AKAIN1: variants seen among roughly 807,000 people sequenced by gnomAD.
The protein encoded by AKAIN1 is A-kinase anchor protein inhibitor 1.
AKAIN1 carries 3 observed loss-of-function variants against 3.7 expected under a neutral mutation model. The ratio of observed to expected loss-of-function variants is 0.82; its 90% CI spans 0.37 to 2.12. The LOEUF is 2.12. Among genes scored for constraint, AKAIN1 ranks in the 30% most tolerant of loss-of-function variants. The probability of loss-of-function intolerance (pLI) is 0.06; values close to 1 mark genes in which losing one functional copy is unlikely to be tolerated. For synonymous variants in AKAIN1, 31 were observed against 30.8 expected, an observed-to-expected ratio of 1.01 and a Z score of -0.02; for missense variants, 82 against 82.7, an observed-to-expected ratio of 0.99 and a Z score of 0.03.
intron 1 of AKAIN1, among the ~76,000 whole-genome samples, chr18:5,149,370 GTTACC>G (rs2071067168): frequency 6.6e-6 from 1 of 152,174 alleles, no homozygotes. Flanking sequence ...ATTCTCTTCC[GTTACC>G]TTAAGCTATG....
chr18:5,152,920 T>C (rs1195463400), intron 1 of AKAIN1, among the ~76,000 whole-genome samples: 1 of 152,176 alleles, frequency 6.6e-6, no homozygotes, highest in Non-Finnish European at 1.5e-5. Flanking sequence ...CTTTTTCTGA[T>C]AGTAAAGCAG....
intron 1 of AKAIN1, among the ~76,000 whole-genome samples, chr18:5,157,591 T>C (rs2071115402): frequency 6.6e-6 from 1 of 152,186 alleles, no homozygotes; most frequent in South Asian, 2.1e-4. Context: ...TGGACTTTCC[T>C]ATGACTCTGT....
At chr18:5,194,557 C>T (rs1168018220) in intron 1 of AKAIN1, among the ~76,000 whole-genome samples, 1 of 152,182 alleles carries the variant, frequency 6.6e-6, no homozygotes, top group Non-Finnish European at 1.5e-5. Context: ...ATCTGTCACT[C>T]TTCACCTTTG....
chr18:5,173,503 T>C (rs2071209179), intron 1 of AKAIN1, among the ~76,000 whole-genome samples: 1 of 152,148 alleles, frequency 6.6e-6, no homozygotes, highest in Non-Finnish European at 1.5e-5. Context: ...GTGCTTTCCT[T>C]TGGAGGAAAA....
intron 1 of AKAIN1, 29 bp from the exon 2 acceptor site, chr18:5,145,784 A>G (rs2071045886): frequency 6.5e-7 from 1 of 1,529,972 alleles, no homozygotes; most frequent in Non-Finnish European, 8.9e-7. Context: ...AGGAGGGGAA[A>G]AGGAGAGAAA....
rs1026513127 is a variant in AKAIN1, at chr18:5,145,471, G to A, written c.*91C>T. ...TACAGCTAGGTGCCGGTGACACTTC[G>A]GTTTGCTTTACTGGCAACATTTTGG... is the stretch of plus-strand genomic sequence containing the variant. On this transcript the variant is annotated 3_prime_UTR_variant, in exon 2 of 2. Coordinates refer to ENST00000434239, the MANE Select transcript of AKAIN1 (RefSeq NM_001145194.2). 10 of 1,041,774 alleles carry A rather than the reference G, an allele frequency of 9.6e-6. No individual in the cohort carries two copies. Among genetic ancestry groups the A allele is most frequent in the Non-Finnish European group, 1.4e-5 (10 of 712,830 alleles). The allele number at this position is 1,041,774 out of a possible 1,614,324, so 64.5% of individuals were successfully genotyped here. A position where few individuals can be genotyped will look rare whatever the true frequency, so the allele number is the denominator to read the frequency against.
intron 1 of AKAIN1, among the ~76,000 whole-genome samples, chr18:5,160,770 A>T (rs1021697245): frequency 6.6e-6 from 1 of 152,036 alleles, no homozygotes. Flanking sequence ...GTATTTTCGT[A>T]TGAATAGTGA....
At chr18:5,189,160 C>T (rs2071304501) in intron 1 of AKAIN1, among the ~76,000 whole-genome samples, 1 of 152,140 alleles carries the variant, frequency 6.6e-6, no homozygotes, top group South Asian at 2.1e-4. Flanking sequence ...TGCAGCAAGC[C>T]TGTGGAGGGC....
chr18:5,159,200 G>GAAGAAAAA (rs1915901374), intron 1 of AKAIN1: 1 of 151,400 alleles, frequency 6.6e-6, no homozygotes, highest in African/African-American at 2.4e-5. Flanking sequence ...TGATATTTCA[G>GAAGAAAAA]AAGAAAAAAA....
At chr18:5,159,446 T>C (rs1240648236) in intron 1 of AKAIN1, 2 of 152,130 alleles carry the variant, frequency 1.3e-5, no homozygotes, top group Admixed American at 1.3e-4. Flanking sequence ...ACAGTACCTT[T>C]GAGGATGCAA....
intron 1 of AKAIN1, among the ~76,000 whole-genome samples, chr18:5,179,596 G>A (rs1157747493): frequency 1.3e-5 from 2 of 152,074 alleles, no homozygotes; most frequent in Non-Finnish European, 2.9e-5. Flanking sequence ...TAGATACCCA[G>A]TAGTGGGATT....
chr18:5,168,580 A>C (rs2071179738), intron 1 of AKAIN1, among the ~76,000 whole-genome samples: 1 of 152,070 alleles, frequency 6.6e-6, no homozygotes, highest in Admixed American at 6.6e-5. Context: ...GTGTTACTTT[A>C]TCTTGAAGCC....
At chr18:5,194,800 T>C (rs1373858606) in intron 1 of AKAIN1, among the ~76,000 whole-genome samples, 1 of 152,236 alleles carries the variant, frequency 6.6e-6, no homozygotes, top group Non-Finnish European at 1.5e-5. Flanking sequence ...GGAGTGATCT[T>C]AGCACATGAC....
intron 1 of AKAIN1, among the ~76,000 whole-genome samples, chr18:5,157,084 T>G (rs990673179): frequency 6.6e-6 from 1 of 152,202 alleles, no homozygotes; most frequent in African/African-American, 2.4e-5. Context: ...TCATGAAATA[T>G]TTTAAGATGT....
At chr18:5,180,010 G>T (rs542469966) in intron 1 of AKAIN1, among the ~76,000 whole-genome samples, 2 of 152,178 alleles carry the variant, frequency 1.3e-5, no homozygotes, top group Admixed American at 6.5e-5. Context: ...GTTGAAAAGG[G>T]TTTCTTTACT....
intron 1 of AKAIN1, among the ~76,000 whole-genome samples, chr18:5,166,131 T>C (rs2071166459): frequency 6.6e-6 from 1 of 152,066 alleles, no homozygotes. Context: ...TATAAGCATC[T>C]ATTAGTGTGA....
intron 1 of AKAIN1, among the ~76,000 whole-genome samples, chr18:5,166,390 C>T (rs1225669141): frequency 6.6e-6 from 1 of 151,924 alleles, no homozygotes; most frequent in East Asian, 1.9e-4. Flanking sequence ...CCTTAGGAGG[C>T]ATAGAAAATG....
upstream of AKAIN1, chr18:5,197,310 C>G: frequency 3.0e-6 from 4 of 1,336,368 alleles, no homozygotes; most frequent in Non-Finnish European, 3.8e-6. This position sits in a 1 kb window ranked among gnomAD's most constrained non-coding sequence, Gnocchi z 6.9. Flanking sequence ...CAGTCCATCC[C>G]TCATTCCTGT....
intron 1 of AKAIN1, among the ~76,000 whole-genome samples, chr18:5,155,976 G>C (rs1340746275): frequency 6.6e-6 from 1 of 152,130 alleles, no homozygotes; most frequent in Non-Finnish European, 1.5e-5. Context: ...AGAGTAACTA[G>C]TACATCCACA....
Sources: gnomAD v4.1 joint callset for allele counts (sites outside exome capture counted in the v4.1 genomes callset) on GRCh38, gnomAD v4.1.1 for gene constraint, Gnocchi (gnomAD v3.1) non-coding constraint, MANE v1.5 for transcripts, NCBI Gene and HGNC (gene_info 2026-07-23, HGNC 2026-07-21) for gene names.